ANKS1B: variants seen among roughly 807,000 people sequenced by gnomAD.
The protein encoded by ANKS1B is ankyrin repeat and sterile alpha motif domain-containing protein 1B.
In ANKS1B, 36 loss-of-function variants were observed where a neutral mutation model predicts 148.3. That is an observed-to-expected ratio of 0.24 (90% confidence interval 0.19 to 0.32). ANKS1B has a LOEUF of 0.32. Among genes scored for constraint, ANKS1B ranks in the 10% least tolerant of loss-of-function variants. The pLI is 1.00. For missense variants in ANKS1B, 1,157 were observed against 1,542.6 expected (o/e 0.75, Z 4.19); for synonymous variants, 542 against 560.8 (o/e 0.97, Z 0.47).
chr12:99,757,250 C>T (rs1484448325), intron 8 of ANKS1B, among the ~76,000 whole-genome samples: 1 of 149,756 alleles, frequency 6.7e-6, no homozygotes, highest in East Asian at 2.1e-4. Context: ...AACAAATTTA[C>T]AAGAAAAAAA....
chr12:98,764,700 T>C (rs1292749378), intron 25 of ANKS1B, among the ~76,000 whole-genome samples: 1 of 152,244 alleles, frequency 6.6e-6, no homozygotes, highest in Non-Finnish European at 1.5e-5. Flanking sequence ...GCCTACCTGA[T>C]ACCCTGAGTT....
intron 12 of ANKS1B, among the ~76,000 whole-genome samples, chr12:99,290,496 T>C (rs992632632): frequency 6.6e-6 from 1 of 151,964 alleles, no homozygotes; most frequent in Non-Finnish European, 1.5e-5. Context: ...CTGATGAACA[T>C]TGATGCCATT....
At chr12:99,341,768 C>T (rs2089961599) in intron 12 of ANKS1B, among the ~76,000 whole-genome samples, 1 of 151,956 alleles carries the variant, frequency 6.6e-6, no homozygotes, top group African/African-American at 2.4e-5. Flanking sequence ...CCCCATTTTA[C>T]AGATAAGGAA....
At chr12:99,260,332 T>C (rs2075791302) in intron 12 of ANKS1B, among the ~76,000 whole-genome samples, 1 of 152,242 alleles carries the variant, frequency 6.6e-6, no homozygotes, top group Non-Finnish European at 1.5e-5. Flanking sequence ...TCAAAAGTTA[T>C]ACCTTGAATT....
chr12:99,737,575 C>A (rs999583154), intron 8 of ANKS1B, among the ~76,000 whole-genome samples: 3 of 151,994 alleles, frequency 2.0e-5, no homozygotes, highest in Non-Finnish European at 4.4e-5. Context: ...CATAATTATC[C>A]ATTGCCTAGA....
chr12:98,786,275 T>C (rs1593610573), intron 22 of ANKS1B, among the ~76,000 whole-genome samples: 1 of 152,232 alleles, frequency 6.6e-6, no homozygotes, highest in Non-Finnish European at 1.5e-5. Context: ...AATGCAACAT[T>C]TGAATCCTAA....
chr12:99,803,664 C>T (rs1351072370), intron 4 of ANKS1B, among the ~76,000 whole-genome samples: 2 of 152,108 alleles, frequency 1.3e-5, no homozygotes, highest in South Asian at 2.1e-4. Flanking sequence ...AGAATGAGGT[C>T]GGAGCCTTGG....
intron 11 of ANKS1B, among the ~76,000 whole-genome samples, chr12:99,429,631 G>A (rs1162715722): frequency 6.6e-6 from 1 of 152,212 alleles, no homozygotes; most frequent in Non-Finnish European, 1.5e-5. Flanking sequence ...TGATTTTGAT[G>A]TTTGTGTTCT....
intron 17 of ANKS1B, among the ~76,000 whole-genome samples, chr12:98,996,534 G>A (rs1389986726): frequency 2.0e-5 from 3 of 152,120 alleles, no homozygotes; most frequent in Non-Finnish European, 4.4e-5. Context: ...AGAATTACCA[G>A]CTGGGTGTGG....
At chr12:99,654,934 G>A in intron 9 of ANKS1B, 133 bp downstream of exon 9, 1 of 1,039,138 alleles carries the variant, frequency 9.6e-7, no homozygotes. Flanking sequence ...GACACTTTGA[G>A]AAAAACCACA....
chr12:99,489,296 T>C (rs544553796), intron 10 of ANKS1B, among the ~76,000 whole-genome samples: 14 of 150,824 alleles, frequency 9.3e-5, no homozygotes, highest in African/African-American at 2.4e-4. Context: ...AATGTTCACA[T>C]TGATATAAAA....
intron 1 of ANKS1B, among the ~76,000 whole-genome samples, chr12:99,902,453 GC>G (rs2093631961): frequency 1.3e-5 from 2 of 152,320 alleles, no homozygotes; most frequent in East Asian, 3.9e-4. Flanking sequence ...CATTCTAGGA[GC>G]GAGCAACGGA....
intron 12 of ANKS1B, among the ~76,000 whole-genome samples, chr12:99,278,881 G>A (rs1349603076): frequency 2.0e-5 from 3 of 152,072 alleles, no homozygotes. Flanking sequence ...AAATATCTAG[G>A]TATGACTAGC....
At chr12:99,436,820 C>T (rs192185285) in intron 11 of ANKS1B, among the ~76,000 whole-genome samples, 1 of 152,094 alleles carries the variant, frequency 6.6e-6, no homozygotes, top group East Asian at 1.9e-4. Context: ...AATGACTCAT[C>T]TTTCCTCCAA....
At chr12:99,033,572 G>C (rs531452093) in intron 17 of ANKS1B, among the ~76,000 whole-genome samples, 133 of 152,058 alleles carry the variant, frequency 8.7e-4, no homozygotes, top group Admixed American at 2.0e-3. Context: ...GCTGAGGCAG[G>C]AGAATCACTT....
rs903812902 is a variant in ANKS1B, at chr12:99,742,253, GA to G, written c.1128+30668del. On this transcript the variant is annotated intron_variant, in intron 8 of 26. Coordinates refer to ENST00000683438, the MANE Select transcript of ANKS1B (RefSeq NM_001352186.2). ...TGCACATGTACCCCTGAACTTAAAAGAAAAAAAAAAACAGTGGAGGCAATTG... is the reference window on the plus strand; with the variant it reads ...TGCACATGTACCCCTGAACTTAAAAGAAAAAAAAAACAGTGGAGGCAATTG... Among the ~76,000 whole-genome samples the G allele has an allele frequency of 4.9e-4, 64 of 131,240 alleles. 1 individual carries two copies. The highest frequency in any genetic ancestry group is 3.6e-3 in the South Asian group (15 of 4,134). 86.1% of individuals were successfully genotyped at this position (131,240 alleles called of 152,430 possible).
intron 22 of ANKS1B, 116 bp downstream of exon 22, chr12:98,798,818 T>G (rs1468190973): frequency 6.5e-6 from 5 of 764,958 alleles, no homozygotes; most frequent in Non-Finnish European, 1.0e-5. Flanking sequence ...GTAATACCAA[T>G]GTGATTCAGC....
At chr12:99,455,806 T>A (rs1333440628) in intron 10 of ANKS1B, among the ~76,000 whole-genome samples, 1 of 151,974 alleles carries the variant, frequency 6.6e-6, no homozygotes, top group African/African-American at 2.4e-5. Context: ...CCTAACCCTG[T>A]CCCCACTTGA....
rs553213773 is a variant in ANKS1B at position 99,407,234 on chromosome 12, C to T, written c.1576-7423G>A. Among the ~76,000 whole-genome samples, 124 of 146,060 alleles carry T rather than the reference C, an allele frequency of 8.5e-4. 15 individuals are homozygous for T. Among genetic ancestry groups the T allele is most frequent in the African/African-American group, 3.2e-3 (122 of 38,628 alleles). Reference sequence around the variant, plus strand: ...CAAGGATGGTTCAACTTATGTAAATCAATCAGATAATACAACATACCAGCA... The same window carrying T: ...CAAGGATGGTTCAACTTATGTAAATTAATCAGATAATACAACATACCAGCA... On this transcript the variant is annotated intron_variant, in intron 11 of 26. Coordinates refer to ENST00000683438, the MANE Select transcript of ANKS1B (RefSeq NM_001352186.2).
Sources: allele counts gnomAD v4.1 joint callset (sites outside exome capture counted in the v4.1 genomes callset), GRCh38; gene constraint gnomAD v4.1.1; transcripts MANE v1.5; gene names NCBI Gene and HGNC (gene_info 2026-07-23, HGNC 2026-07-21).